PPFIA1: variants seen among roughly 807,000 people sequenced by gnomAD.
The protein encoded by PPFIA1 is PPFI scaffold protein A1.
PPFIA1 carries 25 observed loss-of-function variants against 149.9 expected under a neutral mutation model. The observed-to-expected ratio is 0.17, with a 90% CI of 0.12 to 0.23. The LOEUF (loss-of-function observed/expected upper bound fraction) is 0.23, where lower values mean the gene tolerates loss of function less well. Ranked by LOEUF, PPFIA1 falls within the 10% of genes least tolerant of loss-of-function variation. The pLI is 1.00. For missense variants in PPFIA1, 1,362 were observed against 1,506.5 expected, an observed-to-expected ratio of 0.90 and a Z score of 1.59; for synonymous variants, 549 against 552.8, an observed-to-expected ratio of 0.99 and a Z score of 0.10.
chr11:70,349,873 T>A, intron 16 of PPFIA1: 1 of 455,466 alleles, frequency 2.2e-6, no homozygotes, highest in Non-Finnish European at 4.4e-6. Context: ...GTCTCTATGC[T>A]TCCGTCATTG....
At chr11:70,334,230 G>C (rs2054836936) in intron 10 of PPFIA1, 1 of 152,310 alleles carries the variant, frequency 6.6e-6, no homozygotes, top group African/African-American at 2.4e-5. Context: ...GGGGTTTGGG[G>C]TAGATTTCTC....
At chr11:70,277,565 A>G (rs2050486612) in intron 2 of PPFIA1, among the ~76,000 whole-genome samples, 1 of 151,408 alleles carries the variant, frequency 6.6e-6, no homozygotes, top group Admixed American at 6.6e-5. Context: ...ATCTTGGCGC[A>G]CTGCAACCTC....
intron 16 of PPFIA1, chr11:70,350,179 A>C (rs1410453365): frequency 3.4e-6 from 1 of 292,044 alleles, no homozygotes; most frequent in African/African-American, 2.3e-5. Context: ...TATAGTAAGT[A>C]TGGATACAGG....
At chr11:70,361,726 C>T (rs907343004) in intron 19 of PPFIA1, among the ~76,000 whole-genome samples, 11 of 151,834 alleles carry the variant, frequency 7.2e-5, no homozygotes, top group Admixed American at 5.2e-4. Context: ...GGCAATCCTT[C>T]CACCTCAGCC....
intron 26 of PPFIA1, 183 bp downstream of exon 26, chr11:70,378,378 A>C (rs1228104061): frequency 1.5e-6 from 2 of 1,296,432 alleles, no homozygotes; most frequent in Non-Finnish European, 2.0e-6. Context: ...GTTTAACCAT[A>C]ATAATAGAAT....
At chr11:70,363,837 T>C (rs2056786755) in intron 21 of PPFIA1, among the ~76,000 whole-genome samples, 1 of 151,948 alleles carries the variant, frequency 6.6e-6, no homozygotes, top group South Asian at 2.1e-4. Flanking sequence ...GAAATATAGG[T>C]GACATACTAG....
intron 1 of PPFIA1, among the ~76,000 whole-genome samples, chr11:70,271,592 C>G (rs911536110): frequency 6.6e-6 from 1 of 152,080 alleles, no homozygotes; most frequent in Non-Finnish European, 1.5e-5. Flanking sequence ...ACACTTCTAC[C>G]AGCGTTTAAC....
intron 2 of PPFIA1, among the ~76,000 whole-genome samples, chr11:70,305,445 T>C (rs1490404474): frequency 9.9e-5 from 15 of 152,124 alleles, no homozygotes. Context: ...TGATCACGGC[T>C]CCTGCAGCCT....
chr11:70,354,394 C>T lies in PPFIA1; in HGVS notation c.2257C>T (p.Arg753Trp), dbSNP rs184308703. 1.3e-4 allele frequency: 206 copies of T among 1,613,984 alleles called. 5 individuals carry two copies. In the East Asian group the frequency reaches 1.9e-3, roughly 15 times the overall value. Reference protein sequence around the residue: ...PSSPRALRLDRLHKGALHTVS... With the variant: ...PSSPRALRLDWLHKGALHTVS... ...CTCCCCGAGAGCCCTTCGGTTAGAC[C>T]GGCTGCACAAAGGGGCGCTGCACAC... Residue 753 changes from arginine (R) to tryptophan (W), a missense_variant, in exon 17 of 28, where the codon CGG becomes TGG. Coordinates refer to ENST00000253925, the MANE Select transcript of PPFIA1 (RefSeq NM_003626.5).
rs58649744 is a variant in PPFIA1 at position 70,310,308 on chromosome 11, C to A, written c.265-14094C>A. ...GTGATACTGATTTGACATTTAGAAA[C>A]ACACAAATGCACCCTCCTTAGTTGC... is the stretch of plus-strand genomic sequence containing the variant. On this transcript the variant is annotated intron_variant, in intron 2 of 27. Transcript: ENST00000253925. Among the ~76,000 whole-genome samples, 1,019 of 151,934 alleles carry A rather than the reference C, an allele frequency of 6.7e-3. 36 individuals carry two copies. The highest frequency in any genetic ancestry group is 0.056 in the Admixed American group (857 of 15,242).
At chr11:70,291,837 ATTTTTTT>A (rs398016576) in intron 2 of PPFIA1, among the ~76,000 whole-genome samples, 1 of 119,642 alleles carries the variant, frequency 8.4e-6, no homozygotes, top group Non-Finnish European at 1.7e-5. Flanking sequence ...CGCCTGGCTA[ATTTTTTT>A]TTTTTTTTTT....
chr11:70,290,227 G>A (rs1358115139), intron 2 of PPFIA1, among the ~76,000 whole-genome samples: 1 of 142,072 alleles, frequency 7.0e-6, no homozygotes, highest in African/African-American at 2.5e-5. Context: ...AAAACCTTGT[G>A]TAAAAAAAAA....
At chr11:70,382,357 T>C (rs11236074) in intron 27 of PPFIA1, among the ~76,000 whole-genome samples, 199 bp downstream of exon 27, 350 of 152,274 alleles carry the variant, frequency 2.3e-3, no homozygotes, top group East Asian at 0.017. Context: ...GGTTAGTGTG[T>C]CCTCTTTTTT....
At chr11:70,378,247 T>G in intron 26 of PPFIA1, 52 bp downstream of exon 26, 1 of 1,582,850 alleles carries the variant, frequency 6.3e-7, no homozygotes, top group Non-Finnish European at 8.6e-7. Flanking sequence ...TGAGCAGCTT[T>G]CTGTCTGGAA....
intron 2 of PPFIA1, among the ~76,000 whole-genome samples, chr11:70,287,110 C>T (rs1024329462): frequency 1.3e-5 from 2 of 152,076 alleles, no homozygotes; most frequent in Admixed American, 1.3e-4. Flanking sequence ...ACCTCAGCCT[C>T]CCAGAGTGCT....
At chr11:70,288,208 G>T (rs1315534259) in intron 2 of PPFIA1, among the ~76,000 whole-genome samples, 2 of 151,918 alleles carry the variant, frequency 1.3e-5, no homozygotes, top group East Asian at 3.9e-4. Flanking sequence ...AAGTAGCTAG[G>T]CTTACAGGTG....
At chr11:70,339,373 C>G in intron 14 of PPFIA1, 67 bp downstream of exon 14, 3 of 1,544,124 alleles carry the variant, frequency 1.9e-6, no homozygotes, top group Non-Finnish European at 2.6e-6. Context: ...GGCTTTCAGA[C>G]TACTTTGGGA....
chr11:70,292,128 C>T (rs555620941), intron 2 of PPFIA1, among the ~76,000 whole-genome samples: 7 of 152,282 alleles, frequency 4.6e-5, no homozygotes, highest in East Asian at 3.9e-4. Context: ...TGAGCCACCG[C>T]GCTTGGCCAG....
rs1445603579 is a variant in PPFIA1, at chr11:70,338,469, G to A, written c.1571+16G>A. 3 of 1,590,190 alleles carry A rather than the reference G, an allele frequency of 1.9e-6. No homozygotes were observed. The highest frequency in any genetic ancestry group is 1.7e-4 in the Middle Eastern group (1 of 6,034). ...TTCATCATGGGTATGGTATTAACCA[G>A]TGAGCAGCCATATTGTCAGCACCTG... On this transcript the variant is annotated intron_variant, in intron 13 of 27. Transcript: ENST00000253925.
Sources: allele counts gnomAD v4.1 joint callset (sites outside exome capture counted in the v4.1 genomes callset), GRCh38; gene constraint gnomAD v4.1.1; transcripts MANE v1.5; gene names NCBI Gene and HGNC (gene_info 2026-07-23, HGNC 2026-07-21).